Variants in EML4 observed in about 807,000 individuals in gnomAD.
EML4 encodes EMAP like 4, also known as echinoderm microtubule-associated protein-like 4.
Under a neutral mutation model 129.0 loss-of-function variants are expected in EML4, and 72 were observed. The observed-to-expected ratio is 0.56, with a 90% CI of 0.46 to 0.68. The LOEUF (loss-of-function observed/expected upper bound fraction) is 0.68. Ranked by LOEUF, EML4 falls within the 30% of genes least tolerant of loss-of-function variation. The pLI is 0.00. For synonymous variants in EML4, 532 were observed against 405.0 expected, an observed-to-expected ratio of 1.31 and a Z score of -3.77; for missense variants, 1,363 against 1,190.6, an observed-to-expected ratio of 1.14 and a Z score of -2.13.
At chr2:42,290,428 A>G (rs1348142489) in intron 11 of EML4, among the ~76,000 whole-genome samples, 1 of 152,094 alleles carries the variant, frequency 6.6e-6, no homozygotes, top group Non-Finnish European at 1.5e-5. Flanking sequence ...AAAAATTAAC[A>G]TTAAAATTCA....
intron 1 of EML4, among the ~76,000 whole-genome samples, chr2:42,209,951 C>T (rs72980804): frequency 0.034 from 5,122 of 151,940 alleles, 287 homozygotes; most frequent in African/African-American, 0.11. Flanking sequence ...AACAAACAAA[C>T]AAACAAACAA....
chr2:42,299,258 C>G (rs922128676), intron 13 of EML4, among the ~76,000 whole-genome samples: 2 of 152,166 alleles, frequency 1.3e-5, no homozygotes, highest in African/African-American at 4.8e-5. Context: ...CACTAGCATA[C>G]TCAAACTGAG....
chr2:42,265,211 G>C (rs960991409), intron 6 of EML4, among the ~76,000 whole-genome samples: 4 of 145,720 alleles, frequency 2.7e-5, no homozygotes, highest in Non-Finnish European at 5.9e-5. Flanking sequence ...GTGCCTCCCA[G>C]GTAGCTGGGG....
At chr2:42,231,424 A>G (rs1674337351) in intron 1 of EML4, among the ~76,000 whole-genome samples, 1 of 152,174 alleles carries the variant, frequency 6.6e-6, no homozygotes, top group South Asian at 2.1e-4. Flanking sequence ...CCCAAGACCT[A>G]GTTATACTTT....
At chr2:42,223,440 C>A (rs922169059) in intron 1 of EML4, among the ~76,000 whole-genome samples, 5 of 152,100 alleles carry the variant, frequency 3.3e-5, no homozygotes, top group African/African-American at 1.2e-4. Flanking sequence ...ATCATTTGAA[C>A]CTGTAAAGAC....
At position 42,169,690 on chromosome 2, in the gene EML4, C is replaced by T. The variant is rs1214596502; in HGVS notation, c.25+54C>T. The T allele has an allele frequency of 2.2e-5, 35 of 1,579,410 alleles. No individual in the cohort carries two copies. In the South Asian group the frequency reaches 2.5e-4, roughly 11 times the overall value. ...TCTGCGAAGGGTAGGAACTTTTTTC[C>T]TTCCGCACACAGCCCAGGCCCTGCC... On this transcript the variant is annotated intron_variant, in intron 1 of 22. Coordinates refer to ENST00000318522, the MANE Select transcript of EML4 (RefSeq NM_019063.5).
chr2:42,295,383 A>G lies in EML4; in HGVS notation c.1356A>G (p.Lys452=), dbSNP rs199823775. The G allele has an allele frequency of 1.9e-6, 3 of 1,609,366 alleles. No individual in the cohort carries two copies. The highest frequency in any genetic ancestry group is 4.5e-5 in the East Asian group (2 of 44,848). ...AAATTTTTATTGTTTCCTTGTAGAA[A>G]TATGAAAAGCCAAAATTTGTGCAGT... ...SLTRKQGIFG[K]YEKPKFVQCL... The change falls in exon 13 of 23, where the codon AAA becomes AAG. Residue 452 remains lysine (K), a splice_region_variant and synonymous_variant. Transcript: ENST00000318522.
intron 1 of EML4, among the ~76,000 whole-genome samples, chr2:42,188,368 A>C (rs373168726): frequency 6.6e-6 from 1 of 152,022 alleles, no homozygotes; most frequent in East Asian, 1.9e-4. Context: ...CTACAGGTGC[A>C]CACCACCATG....
At chr2:42,229,320 A>C (rs1674173295) in intron 1 of EML4, among the ~76,000 whole-genome samples, 4 of 152,174 alleles carry the variant, frequency 2.6e-5, no homozygotes, top group Non-Finnish European at 5.9e-5. Context: ...CTGAGGCATG[A>C]AGAAGTTAAG....
chr2:42,257,477 T>C (rs186808082), intron 3 of EML4, among the ~76,000 whole-genome samples: 1,910 of 149,234 alleles, frequency 0.013, 34 homozygotes, highest in African/African-American at 0.045. Context: ...GATTCATAGA[T>C]ACTTAACCAA....
chr2:42,272,967 C>T (rs1470526262), intron 6 of EML4, among the ~76,000 whole-genome samples: 1 of 152,098 alleles, frequency 6.6e-6, no homozygotes, highest in Non-Finnish European at 1.5e-5. Context: ...CCTGTTTAAT[C>T]AGAATTTTTA....
rs1220634602 is a variant in EML4 at position 42,264,697 on chromosome 2, C to G, written c.642-9C>G. 2 of 1,390,282 alleles carry G rather than the reference C, an allele frequency of 1.4e-6. No individual in the cohort carries two copies. Among genetic ancestry groups the G allele is most frequent in the Non-Finnish European group, 2.0e-6 (2 of 991,464 alleles). The allele number at this position is 1,390,282 out of a possible 1,614,324, so 86.1% of individuals were successfully genotyped here. A position where few individuals can be genotyped will look rare whatever the true frequency, so the allele number is the denominator to read the frequency against. On this transcript the variant is annotated splice_polypyrimidine_tract_variant and intron_variant, in intron 5 of 22. Coordinates refer to ENST00000318522, the MANE Select transcript of EML4 (RefSeq NM_019063.5). ...TAAAATAAATGTGTTTCTTAAATTT[C>G]TTTTCTAGGCATAAAGATGTCATCA...
intron 18 of EML4, 139 bp downstream of exon 18, chr2:42,316,189 C>A: frequency 2.0e-6 from 1 of 499,804 alleles, no homozygotes; most frequent in East Asian, 3.3e-5. Flanking sequence ...CCCCCAACAT[C>A]AAATTAAATT....
chr2:42,270,367 T>G (rs890588728), intron 6 of EML4, among the ~76,000 whole-genome samples: 1 of 152,154 alleles, frequency 6.6e-6, no homozygotes, highest in Non-Finnish European at 1.5e-5. Context: ...AAGATCAGCC[T>G]GGGCAACATG....
At chr2:42,275,186 T>C (rs929591043) in intron 6 of EML4, among the ~76,000 whole-genome samples, 4 of 152,232 alleles carry the variant, frequency 2.6e-5, no homozygotes, top group Admixed American at 2.0e-4. Context: ...TTTAACTCAA[T>C]GTAGCCAAAA....
intron 16 of EML4, 43 bp from the exon 17 acceptor site, chr2:42,304,441 A>G (rs377273966): frequency 4.0e-6 from 6 of 1,509,824 alleles, no homozygotes; most frequent in Admixed American, 1.7e-5. Context: ...CCATAGGGAG[A>G]CTTTCTCATG....
chr2:42,176,565 G>A (rs868253460), intron 1 of EML4, among the ~76,000 whole-genome samples: 1 of 152,052 alleles, frequency 6.6e-6, no homozygotes, highest in African/African-American at 2.4e-5. Flanking sequence ...TCATCCTGAT[G>A]ACTATTCTCA....
chr2:42,312,119 A>G (rs1172275031), intron 17 of EML4, among the ~76,000 whole-genome samples: 1 of 152,228 alleles, frequency 6.6e-6, no homozygotes, highest in Non-Finnish European at 1.5e-5. Context: ...CACATATGAA[A>G]GATATTTACC....
rs1669953234 is a variant in EML4 at position 42,328,933 on chromosome 2, C to T, written c.2389C>T (p.Arg797Ter). ...SDGTDINALVRSHNRKVIAVA... is the reference protein window; with the variant it reads ...SDGTDINALV ...TGGGACAGATATCAATGCACTGGTGCGATCCCACAATAGAAAGGTGATAGC... is the reference window on the plus strand; with the variant it reads ...TGGGACAGATATCAATGCACTGGTGTGATCCCACAATAGAAAGGTGATAGC... Residue 797 changes from arginine to a stop codon, truncating the protein, a stop_gained, in exon 22 of 23, where the codon CGA (arginine) becomes TGA (stop). Coordinates refer to ENST00000318522, the MANE Select transcript of EML4 (RefSeq NM_019063.5). LOFTEE classifies it high-confidence loss of function. 1.9e-6 allele frequency: 3 copies of T among 1,613,106 alleles called. No individual in the cohort carries two copies. The highest frequency in any genetic ancestry group is 1.3e-5 in the African/African-American group (1 of 74,896).
Sources: allele counts gnomAD v4.1 joint callset (sites outside exome capture counted in the v4.1 genomes callset), GRCh38; gene constraint gnomAD v4.1.1; transcripts MANE v1.5; gene names NCBI Gene and HGNC (gene_info 2026-07-23, HGNC 2026-07-21).